APBB2: variants seen among roughly 807,000 people sequenced by gnomAD.
APBB2 encodes Fe65-like 1.
APBB2 carries 38 observed loss-of-function variants against 82.5 expected under a neutral mutation model. The observed-to-expected ratio is 0.46, with a 90% confidence interval of 0.36 to 0.60. APBB2 has a LOEUF of 0.60. APBB2 is among the 20% of genes least tolerant of loss of function. The pLI is 0.00. For synonymous variants in APBB2, 341 were observed against 368.2 expected (o/e 0.93, Z 0.85); for missense variants, 772 against 972.3 (o/e 0.79, Z 2.74).
intron 12 of APBB2, among the ~76,000 whole-genome samples, chr4:40,836,149 A>G (rs1394107958): frequency 3.3e-5 from 5 of 152,076 alleles, no homozygotes; most frequent in African/African-American, 1.2e-4. Flanking sequence ...GAGGTGGGTG[A>G]AGTCGGGGGA....
intron 1 of APBB2, among the ~76,000 whole-genome samples, chr4:41,193,048 A>C (rs1774919422): frequency 6.6e-6 from 1 of 152,252 alleles, no homozygotes; most frequent in South Asian, 2.1e-4. Flanking sequence ...TGAAACCTAA[A>C]GGCTTACTGG....
chr4:40,939,410 ATCTAG>A (rs1239879039), intron 7 of APBB2, among the ~76,000 whole-genome samples: 1 of 152,134 alleles, frequency 6.6e-6, no homozygotes. Flanking sequence ...TTTCCTTACG[ATCTAG>A]TCTTTCCACG....
At chr4:40,968,489 C>G (rs555267248) in intron 6 of APBB2, among the ~76,000 whole-genome samples, 1 of 152,138 alleles carries the variant, frequency 6.6e-6, no homozygotes, top group African/African-American at 2.4e-5. Flanking sequence ...TCCATTTCAA[C>G]CAATTCTTGT....
At chr4:41,080,698 CT>C (rs5857775) in intron 3 of APBB2, among the ~76,000 whole-genome samples, 3,105 of 120,876 alleles carry the variant, frequency 0.026, 109 homozygotes, top group African/African-American at 0.087. Flanking sequence ...GTAAATGCTC[CT>C]TTTTTTTTTT....
In APBB2 at chr4:40,854,790, C is replaced by CAAAAAAAA. The variant is rs80240731; in HGVS notation, c.1530-24221_1530-24214dup. On this transcript the variant is annotated intron_variant, in intron 12 of 17. Coordinates refer to ENST00000508593, the MANE Select transcript of APBB2 (RefSeq NM_004307.2). ...GGCGATAAGAGCGAAAGTCCATCTC[C>CAAAAAAAA]AAAAAAAAAAAAAAAAAAAGAAGAA... is the stretch of plus-strand genomic sequence containing the variant. Among the ~76,000 whole-genome samples the CAAAAAAAA allele has an allele frequency of 1.7e-3, 218 of 124,658 alleles. 1 individual carries two copies. The highest frequency in any genetic ancestry group is 4.3e-3 in the African/African-American group (137 of 31,642). The allele number at this position is 124,658 out of a possible 152,430, so 81.8% of individuals were successfully genotyped here.
chr4:41,126,081 A>C (rs1009577575), intron 2 of APBB2, among the ~76,000 whole-genome samples: 1 of 152,150 alleles, frequency 6.6e-6, no homozygotes, highest in Non-Finnish European at 1.5e-5. Context: ...GCAGCTTCCA[A>C]CAAAAATGAT....
intron 6 of APBB2, among the ~76,000 whole-genome samples, chr4:41,000,015 C>CAA (rs11459243): frequency 1.1e-4 from 13 of 123,012 alleles, no homozygotes; most frequent in East Asian, 7.3e-4. Context: ...CCCGTATTTA[C>CAA]AAAAAAAAAA....
At chr4:41,182,732 T>G (rs533153757) in intron 1 of APBB2, among the ~76,000 whole-genome samples, 1 of 152,248 alleles carries the variant, frequency 6.6e-6, no homozygotes, top group South Asian at 2.1e-4. Flanking sequence ...GCAAGGCGCC[T>G]TCCTCACAAG....
At chr4:41,135,952 C>T (rs1191562515) in intron 2 of APBB2, among the ~76,000 whole-genome samples, 2 of 152,168 alleles carry the variant, frequency 1.3e-5, no homozygotes, top group African/African-American at 2.4e-5. Flanking sequence ...ACTACAGATA[C>T]GTGCCACCAC....
intron 15 of APBB2, chr4:40,825,610 A>T (rs949707772): frequency 5.3e-6 from 2 of 375,722 alleles, no homozygotes; most frequent in Middle Eastern, 8.2e-4. Context: ...CACGGCCCTG[A>T]GTCACACAGC....
chr4:40,894,174 G>A (rs1772967255), intron 10 of APBB2, among the ~76,000 whole-genome samples: 1 of 151,818 alleles, frequency 6.6e-6, no homozygotes, highest in African/African-American at 2.4e-5. Context: ...TCTAGTCCCG[G>A]CTACTCAGGA....
chr4:41,057,179 G>A (rs767868984), intron 4 of APBB2, among the ~76,000 whole-genome samples: 3 of 152,280 alleles, frequency 2.0e-5, no homozygotes, highest in African/African-American at 7.2e-5. Flanking sequence ...GGCAGGGCAC[G>A]GTGTCTCAAG....
intron 17 of APBB2, 137 bp downstream of exon 17, chr4:40,821,734 T>C (rs1452518159): frequency 7.0e-6 from 7 of 997,930 alleles, no homozygotes; most frequent in South Asian, 5.1e-5. Flanking sequence ...GCCCTAGGAA[T>C]GACGGCGTTA....
intron 2 of APBB2, among the ~76,000 whole-genome samples, chr4:41,139,936 A>G (rs1215985493): frequency 6.6e-6 from 1 of 152,226 alleles, no homozygotes; most frequent in East Asian, 1.9e-4. Flanking sequence ...ATATTGGCTC[A>G]TCAATTATAA....
intron 7 of APBB2, 82 bp from the exon 8 acceptor site, chr4:40,935,221 A>C: frequency 9.8e-7 from 1 of 1,022,212 alleles, no homozygotes; most frequent in Non-Finnish European, 1.4e-6. Flanking sequence ...AAAACACAAG[A>C]CACTGTTGTT....
intron 6 of APBB2, among the ~76,000 whole-genome samples, chr4:40,987,216 G>C (rs1004337746): frequency 1.5e-5 from 2 of 137,294 alleles, no homozygotes; most frequent in Non-Finnish European, 3.3e-5. Flanking sequence ...ATGATACTAA[G>C]CATATCATCA....
At chr4:40,857,241 C>T (rs1761550263) in intron 12 of APBB2, 1 of 924,574 alleles carries the variant, frequency 1.1e-6, no homozygotes, top group South Asian at 5.0e-5. Flanking sequence ...GCGCGTGGCC[C>T]CGCCCCACCC....
At chr4:41,150,531 ACT>A (rs957415054) in intron 1 of APBB2, among the ~76,000 whole-genome samples, 8 of 151,910 alleles carry the variant, frequency 5.3e-5, no homozygotes, top group African/African-American at 1.9e-4. Context: ...CTGCCCTACT[ACT>A]CTGTCAATTC....
chr4:40,816,719 C>T (rs1745807310), intron 17 of APBB2, among the ~76,000 whole-genome samples: 2 of 152,216 alleles, frequency 1.3e-5, no homozygotes, highest in Non-Finnish European at 2.9e-5. Flanking sequence ...CTCTGAGCCT[C>T]AGTTTCTTCA....
Sources: allele counts gnomAD v4.1 joint callset (sites outside exome capture counted in the v4.1 genomes callset), GRCh38; gene constraint gnomAD v4.1.1; transcripts MANE v1.5; gene names NCBI Gene and HGNC (gene_info 2026-07-23, HGNC 2026-07-21).